The following CHN2 variants were observed in gnomAD, a reference collection of about 807,000 sequenced individuals.
CHN2 encodes the protein beta-chimaerin.
CHN2 carries 35 observed loss-of-function variants against 56.3 expected under a neutral mutation model. The observed-to-expected ratio is 0.62, with a 90% CI of 0.47 to 0.82. CHN2 has a LOEUF of 0.82. CHN2 is among the 40% of genes least tolerant of loss of function. CHN2 has a pLI of 0.00. For missense variants in CHN2, 491 were observed against 580.5 expected, an observed-to-expected ratio of 0.85 and a Z score of 1.58; for synonymous variants, 210 against 212.8, an observed-to-expected ratio of 0.99 and a Z score of 0.12.
intron 1 of CHN2, among the ~76,000 whole-genome samples, chr7:29,295,578 T>A (rs560529741): frequency 9.0e-5 from 13 of 144,092 alleles, no homozygotes; most frequent in Non-Finnish European, 3.1e-5. Context: ...CCCATCTATT[T>A]AAAAAAAAAA....
intron 9 of CHN2, among the ~76,000 whole-genome samples, chr7:29,502,364 T>A (rs1790060889): frequency 6.6e-6 from 1 of 152,172 alleles, no homozygotes; most frequent in Non-Finnish European, 1.5e-5. Flanking sequence ...CCATCTCATC[T>A]GCATTTCACT....
Position 29,381,809 on chromosome 7 carries a change from CAAAAAAAAAAAAAA to C in CHN2, c.145-11856_145-11843del, listed in dbSNP as rs60652952. 4.6e-4 allele frequency among the ~76,000 whole-genome samples: 18 copies of C among 39,514 alleles called. 1 individual carries two copies. The East Asian group carries it at 0.014, about 31-fold the overall frequency. The allele number at this position is 39,514 out of a possible 152,430, so 25.9% of individuals were successfully genotyped here. The stretch of plus-strand genomic sequence containing the variant: ...AAAAGTCTATTCTCACTAAACTAAG[CAAAAAAAAAAAAAA>C]AAAAAAAAAAAAAGCAGGGCCTAGG... On this transcript the variant is annotated intron_variant, in intron 3 of 12. Transcript: ENST00000222792.
intron 2 of CHN2, among the ~76,000 whole-genome samples, chr7:29,164,014 G>A (rs538021039): frequency 7.9e-5 from 12 of 152,138 alleles, no homozygotes; most frequent in African/African-American, 1.4e-4. Context: ...ATATGCTTTC[G>A]TTTCTCTTGG....
chr7:29,502,231 TCCAGGTA>T (rs1790046264), intron 9 of CHN2, among the ~76,000 whole-genome samples: 12 of 152,140 alleles, frequency 7.9e-5, no homozygotes, highest in Admixed American at 7.9e-4. Flanking sequence ...CCAGTAATAG[TCCAGGTA>T]CCCAGGAGCA....
At chr7:29,462,624 C>T (rs1431148709) in intron 6 of CHN2, among the ~76,000 whole-genome samples, 1 of 152,214 alleles carries the variant, frequency 6.6e-6, no homozygotes, top group African/African-American at 2.4e-5. Context: ...TTCCCCCAAA[C>T]ATGGCAGCCT....
chr7:29,312,220 G>A (rs1314216128), intron 1 of CHN2, among the ~76,000 whole-genome samples: 2 of 68,976 alleles, frequency 2.9e-5, no homozygotes, highest in Non-Finnish European at 5.5e-5. Flanking sequence ...CTTCTTTCTT[G>A]CTTATCTTTT....
In CHN2 at chr7:29,212,502, C is replaced by G. The variant is rs188261156; in HGVS notation, c.49+17512C>G. 4,948 of 1,573,076 alleles carry G rather than the reference C, an allele frequency of 3.1e-3. 6 individuals are homozygous for G. Among genetic ancestry groups the G allele is most frequent in the Non-Finnish European group, 4.0e-3 (4,553 of 1,144,248 alleles). On this transcript the variant is annotated intron_variant, in intron 1 of 12. Coordinates refer to ENST00000222792, the MANE Select transcript of CHN2 (RefSeq NM_004067.4). Reference sequence around the variant, plus strand: ...CTGCTTATTCAGGACAGCCCTGATTCTTCCACCAGTCCCAAAGGCAAACAA... The same window carrying G: ...CTGCTTATTCAGGACAGCCCTGATTGTTCCACCAGTCCCAAAGGCAAACAA...
At chr7:29,453,929 C>G (rs758207050) in intron 6 of CHN2, among the ~76,000 whole-genome samples, 6 of 152,182 alleles carry the variant, frequency 3.9e-5, no homozygotes, top group Non-Finnish European at 8.8e-5. Flanking sequence ...CTTACTCATC[C>G]TTTCATCCTG....
At chr7:29,378,691 C>T (rs900945905) in intron 3 of CHN2, among the ~76,000 whole-genome samples, 9 of 152,206 alleles carry the variant, frequency 5.9e-5, no homozygotes, top group African/African-American at 1.9e-4. Context: ...TTAGGCCACG[C>T]GCGGTGGCTC....
chr7:29,498,099 C>A (rs1562662169), intron 8 of CHN2, among the ~76,000 whole-genome samples: 1 of 152,166 alleles, frequency 6.6e-6, no homozygotes, highest in Non-Finnish European at 1.5e-5. Context: ...GTAAGACATA[C>A]TAAGAATTCC....
chr7:29,152,362 G>A (rs1793711962), intron 2 of CHN2, among the ~76,000 whole-genome samples: 1 of 152,136 alleles, frequency 6.6e-6, no homozygotes, highest in African/African-American at 2.4e-5. Context: ...ACCAAGCAGT[G>A]AGAAAGAGAA....
chr7:29,262,781 G>C (rs1021978979), intron 1 of CHN2, among the ~76,000 whole-genome samples: 1 of 152,052 alleles, frequency 6.6e-6, no homozygotes, highest in African/African-American at 2.4e-5. Flanking sequence ...GTGAAGATGG[G>C]GGTGCAGGGG....
chr7:29,257,097 T>C (rs1185343396), intron 1 of CHN2, among the ~76,000 whole-genome samples: 1 of 152,192 alleles, frequency 6.6e-6, no homozygotes, highest in Admixed American at 6.5e-5. Context: ...CCAGGCTGCC[T>C]GGTCTGAAAT....
Position 29,252,581 on chromosome 7 carries a change from T to G in CHN2, c.49+57591T>G, listed in dbSNP as rs1366832947. 4.9e-4 allele frequency among the ~76,000 whole-genome samples: 8 copies of G among 16,434 alleles called. 1 individual carries two copies. In the African/African-American group the frequency reaches 6.8e-3, roughly 14 times the overall value. 10.8% of individuals were successfully genotyped at this position (16,434 alleles called of 152,430 possible). On this transcript the variant is annotated intron_variant, in intron 1 of 12. Transcript: ENST00000222792. ...TTTGTCTAAAATTGCATTCTTTGTT[T>G]TTTTTTTTTTTTTTTTTTTTTTTTT...
At chr7:29,255,425 CG>C (rs2128824709) in intron 1 of CHN2, among the ~76,000 whole-genome samples, 2 of 152,228 alleles carry the variant, frequency 1.3e-5, no homozygotes, top group East Asian at 3.9e-4. Flanking sequence ...AAGGAGGAGA[CG>C]GAACACCCTC....
chr7:29,492,721 C>T (rs900602924), intron 7 of CHN2, among the ~76,000 whole-genome samples: 3 of 152,226 alleles, frequency 2.0e-5, no homozygotes, highest in African/African-American at 7.2e-5. Context: ...TATTTCTCTA[C>T]TTCCTTACCT....
intron 7 of CHN2, among the ~76,000 whole-genome samples, chr7:29,486,426 G>A (rs890494218): frequency 9.2e-5 from 14 of 152,182 alleles, no homozygotes; most frequent in South Asian, 2.1e-4. Flanking sequence ...ATCAGATGGC[G>A]CAGGAGAGAT....
At chr7:29,298,648 G>A (rs1343160344) in intron 1 of CHN2, among the ~76,000 whole-genome samples, 1 of 152,200 alleles carries the variant, frequency 6.6e-6, no homozygotes, top group Admixed American at 6.5e-5. Flanking sequence ...GGATTAGCAG[G>A]AGAATTGCTT....
intron 1 of CHN2, among the ~76,000 whole-genome samples, chr7:29,222,490 C>CATGGTACTGGTACATAA (rs70980515): frequency 0.41 from 61,679 of 151,824 alleles, 12,761 homozygotes; most frequent in East Asian, 0.54. Context: ...ACCAAAACAG[C>CATGGTACTGGTACATAA]ACAGACACAC....
Sources: gnomAD v4.1 joint callset for allele counts (sites outside exome capture counted in the v4.1 genomes callset) on GRCh38, gnomAD v4.1.1 for gene constraint, MANE v1.5 for transcripts, NCBI Gene and HGNC (gene_info 2026-07-23, HGNC 2026-07-21) for gene names.